The following DPP4 variants were observed in gnomAD, a reference collection of about 807,000 sequenced individuals.
The protein encoded by DPP4 is ADCP-2.
In DPP4, 93 loss-of-function variants were observed where a neutral mutation model predicts 122.4. The ratio of observed to expected loss-of-function variants is 0.76; its 90% CI spans 0.64 to 0.90. DPP4 has a LOEUF of 0.90. DPP4 is among the 40% of genes least tolerant of loss of function. The pLI is 0.00. For synonymous variants in DPP4, 321 were observed against 302.9 expected, an observed-to-expected ratio of 1.06 and a Z score of -0.62; for missense variants, 914 against 907.3, an observed-to-expected ratio of 1.01 and a Z score of -0.09.
At chr2:162,040,006 TAA>T (rs1252787164) in intron 5 of DPP4, among the ~76,000 whole-genome samples, 8 of 152,024 alleles carry the variant, frequency 5.3e-5, no homozygotes, top group Non-Finnish European at 1.2e-4. Context: ...TAAAAGATCA[TAA>T]GAGGCTATTA....
In DPP4 at chr2:162,063,938, G is replaced by T. The variant is rs536582004; in HGVS notation, c.94+9461C>A. Among the ~76,000 whole-genome samples the T allele has an allele frequency of 3.3e-5, 5 of 152,256 alleles. No homozygotes were observed. The South Asian group carries it at 1.0e-3, about 32-fold the overall frequency. On this transcript the variant is annotated intron_variant, in intron 2 of 25. Transcript: ENST00000360534. ...TGCCACATGCAAGGGGACAGCTGGA[G>T]CCTAATCTTTCAGTAGGCAAAAGGG...
At chr2:162,045,482 G>T in intron 5 of DPP4, 50 bp downstream of exon 5, 1 of 1,363,284 alleles carries the variant, frequency 7.3e-7, no homozygotes, top group Non-Finnish European at 1.0e-6. Flanking sequence ...TTATAACATA[G>T]CATACTCTTG....
At chr2:162,024,577 A>G (rs897327572) in intron 11 of DPP4, among the ~76,000 whole-genome samples, 3 of 152,236 alleles carry the variant, frequency 2.0e-5, no homozygotes, top group Non-Finnish European at 4.4e-5. Flanking sequence ...GATAGTATCC[A>G]TAACTAAAAC....
In DPP4 at chr2:162,042,733, C is replaced by T. The variant is rs910797127; in HGVS notation, c.366+2799G>A. On this transcript the variant is annotated intron_variant, in intron 5 of 25. Transcript: ENST00000360534. ...GTATTCATTTAACAATGATGTTCAG[C>T]ATCTGCTATGTGGCCCTGTCCTAGG... 1.6e-4 allele frequency among the ~76,000 whole-genome samples: 25 copies of T among 152,196 alleles called. 1 individual carries two copies. Among genetic ancestry groups the T allele is most frequent in the Non-Finnish European group, 3.5e-4 (24 of 68,038 alleles).
chr2:162,066,966 A>G (rs974664819), intron 2 of DPP4, among the ~76,000 whole-genome samples: 1 of 39,232 alleles, frequency 2.5e-5, no homozygotes, highest in African/African-American at 1.3e-4. Flanking sequence ...CTGGAGATCA[A>G]ATTTCAACAT....
intron 2 of DPP4, among the ~76,000 whole-genome samples, chr2:162,059,424 G>A (rs1296160995): frequency 6.6e-6 from 1 of 152,222 alleles, no homozygotes; most frequent in Non-Finnish European, 1.5e-5. Flanking sequence ...AAGGTGGAAA[G>A]TTCTTAAGTG....
At chr2:162,045,712 G>A in intron 4 of DPP4, 100 bp from the exon 5 acceptor site, 1 of 840,808 alleles carries the variant, frequency 1.2e-6, no homozygotes, top group Non-Finnish European at 2.0e-6. Flanking sequence ...CATGTGGCTT[G>A]TGCTTTGGGA....
chr2:162,072,924 T>C (rs1685167167), intron 2 of DPP4, among the ~76,000 whole-genome samples: 1 of 152,146 alleles, frequency 6.6e-6, no homozygotes. Flanking sequence ...CAGTCTGGGT[T>C]CCCTGTGGAA....
chr2:162,033,862 GTATATATATATATATATATA>G (rs138320647), intron 9 of DPP4, among the ~76,000 whole-genome samples: 5 of 104,038 alleles, frequency 4.8e-5, no homozygotes, highest in East Asian at 4.8e-4. Context: ...CAGAATATGT[GTATATATATATATATATATA>G]TATATATATA....
At chr2:162,044,231 G>C (rs888088583) in intron 5 of DPP4, among the ~76,000 whole-genome samples, 1 of 152,194 alleles carries the variant, frequency 6.6e-6, no homozygotes, top group African/African-American at 2.4e-5. Flanking sequence ...GTTGGTACAA[G>C]ATTCCGATTC....
chr2:162,060,344 C>G (rs1022969311), intron 2 of DPP4, among the ~76,000 whole-genome samples: 23 of 152,032 alleles, frequency 1.5e-4, no homozygotes, highest in African/African-American at 5.1e-4. Context: ...TAGAATTTTC[C>G]CTCTGGACAG....
intron 4 of DPP4, among the ~76,000 whole-genome samples, chr2:162,046,333 T>C (rs1363034736): frequency 2.0e-5 from 3 of 152,054 alleles, no homozygotes; most frequent in South Asian, 4.2e-4. Flanking sequence ...TCGCCAACTA[T>C]GGGGGATGAC....
chr2:162,039,221 A>C, intron 5 of DPP4, 37 bp from the exon 6 acceptor site: 1 of 1,602,752 alleles, frequency 6.2e-7, no homozygotes, highest in Non-Finnish European at 8.5e-7. Flanking sequence ...CTTCTGTGAT[A>C]CTTGATAATT....
chr2:162,060,609 T>A (rs746438049), intron 2 of DPP4, among the ~76,000 whole-genome samples: 20 of 152,172 alleles, frequency 1.3e-4, no homozygotes, highest in Non-Finnish European at 1.9e-4. Flanking sequence ...ATTATAAAAT[T>A]AGCCAACAAA....
intron 18 of DPP4, among the ~76,000 whole-genome samples, chr2:162,016,499 C>A (rs936282246): frequency 1.3e-5 from 2 of 152,168 alleles, no homozygotes; most frequent in African/African-American, 4.8e-5. Context: ...ATAATAGAGT[C>A]ACTAATGGGA....
Position 162,009,443 on chromosome 2 carries a change from A to G in DPP4, c.1833-148T>C, listed in dbSNP as rs1374201035. On this transcript the variant is annotated intron_variant, in intron 20 of 25. Transcript: ENST00000360534. The stretch of plus-strand genomic sequence containing the variant: ...CTGCCAGTAATCAAATAAACACCTG[A>G]GATAAATATCTATCATTTTAACCTA... The G allele has an allele frequency of 7.6e-6, 5 of 657,374 alleles. No homozygotes were observed. In the African/African-American group the frequency reaches 9.2e-5, roughly 12 times the overall value. 40.7% of individuals were successfully genotyped at this position (657,374 alleles called of 1,614,324 possible).
chr2:162,025,059 T>G, intron 10 of DPP4, 120 bp from the exon 11 acceptor site: 1 of 1,096,194 alleles, frequency 9.1e-7, no homozygotes, highest in Middle Eastern at 2.2e-4. Context: ...GAAGTAGAAT[T>G]ATAAATGGTT....
At chr2:162,003,065 T>C (rs948712331) in intron 23 of DPP4, among the ~76,000 whole-genome samples, 19 of 152,270 alleles carry the variant, frequency 1.2e-4, no homozygotes, top group Middle Eastern at 3.4e-3. Context: ...GTACTGGCAG[T>C]TTTAATGTGT....
chr2:162,072,110 C>T (rs1685137889), intron 2 of DPP4, among the ~76,000 whole-genome samples: 1 of 152,138 alleles, frequency 6.6e-6, no homozygotes, highest in Non-Finnish European at 1.5e-5. Context: ...TCCTTGAGGT[C>T]AGGGCCTTTA....
Sources: allele counts gnomAD v4.1 joint callset (sites outside exome capture counted in the v4.1 genomes callset), GRCh38; gene constraint gnomAD v4.1.1; transcripts MANE v1.5; gene names NCBI Gene and HGNC (gene_info 2026-07-23, HGNC 2026-07-21).